MYO18B: variants seen among roughly 807,000 people sequenced by gnomAD.
The protein encoded by MYO18B is myosin XVIIIB, also known as unconventional myosin-XVIIIb.
Under a neutral mutation model 273.0 loss-of-function variants are expected in MYO18B, and 204 were observed. That is an observed-to-expected ratio of 0.75 (90% confidence interval 0.67 to 0.84). MYO18B has a LOEUF of 0.84. Among genes scored for constraint, MYO18B ranks in the 40% least tolerant of loss-of-function variants. The probability of loss-of-function intolerance (pLI) is 0.00; values close to 1 mark genes in which losing one functional copy is unlikely to be tolerated. For synonymous variants in MYO18B, 1,330 were observed against 1,305.7 expected (o/e 1.02, Z -0.40); for missense variants, 3,212 against 3,287.6 (o/e 0.98, Z 0.56).
At chr22:25,938,635 G>A (rs1305730246) in intron 34 of MYO18B, among the ~76,000 whole-genome samples, 1 of 152,222 alleles carries the variant, frequency 6.6e-6, no homozygotes, top group Non-Finnish European at 1.5e-5. Context: ...AGTGAGTGTT[G>A]AAGAAATCTC....
intron 25 of MYO18B, among the ~76,000 whole-genome samples, chr22:25,887,927 G>C (rs1282280221): frequency 6.6e-6 from 1 of 152,226 alleles, no homozygotes; most frequent in Non-Finnish European, 1.5e-5. Flanking sequence ...CTAAGGTGGA[G>C]AGAACACAGT....
At chr22:25,954,045 G>A (rs1483304880) in intron 38 of MYO18B, among the ~76,000 whole-genome samples, 1 of 152,164 alleles carries the variant, frequency 6.6e-6, no homozygotes, top group African/African-American at 2.4e-5. Flanking sequence ...CAGAAAAAGG[G>A]CTCAAAGTCC....
intron 34 of MYO18B, among the ~76,000 whole-genome samples, chr22:25,927,874 C>T (rs953237063): frequency 1.8e-4 from 27 of 152,162 alleles, no homozygotes; most frequent in Admixed American, 6.5e-4. Context: ...GCAGATTCCC[C>T]GATACTCTTT....
rs765063475 is a variant in MYO18B at position 25,798,050 on chromosome 22, G to A, written c.2474G>A (p.Arg825Gln). The A allele has an allele frequency of 2.4e-5, 39 of 1,612,162 alleles. No homozygotes were observed. The highest frequency in any genetic ancestry group is 2.3e-4 in the Admixed American group (14 of 59,978). The change falls in exon 12 of 44, where the codon CGG becomes CAG. Residue 825 changes from arginine to glutamine, a missense_variant. Coordinates refer to ENST00000335473, the MANE Select transcript of MYO18B (RefSeq NM_032608.7). ...GAGAGCGAGCAGCGGGCTGTTTGGCGGGTCCTGGCAGCCATCTACCACCTG... is the reference window on the plus strand; with the variant it reads ...GAGAGCGAGCAGCGGGCTGTTTGGCAGGTCCTGGCAGCCATCTACCACCTG... ...ISESEQRAVW[R>Q]VLAAIYHLGA... is the part of the protein sequence containing the mutation.
intron 42 of MYO18B, among the ~76,000 whole-genome samples, chr22:26,011,515 G>A (rs1259050058): frequency 6.6e-6 from 1 of 152,206 alleles, no homozygotes; most frequent in African/African-American, 2.4e-5. Flanking sequence ...TTCCACCAAG[G>A]GGGAAGCTGA....
intron 11 of MYO18B, among the ~76,000 whole-genome samples, chr22:25,792,497 C>CTTT (rs58679561): frequency 4.6e-5 from 5 of 107,930 alleles, no homozygotes; most frequent in South Asian, 6.0e-4. Context: ...TTTTTCTTTT[C>CTTT]TTTTTTTTTT....
chr22:25,940,494 C>A (rs1282011029), intron 34 of MYO18B, among the ~76,000 whole-genome samples: 1 of 152,120 alleles, frequency 6.6e-6, no homozygotes, highest in African/African-American at 2.4e-5. Context: ...CAGACTAATA[C>A]GCATGGGAAA....
chr22:25,832,400 T>C (rs1383458211), intron 15 of MYO18B, among the ~76,000 whole-genome samples: 2 of 152,094 alleles, frequency 1.3e-5, no homozygotes, highest in East Asian at 3.9e-4. Flanking sequence ...GAGATACGCA[T>C]ATTACGAGAT....
intron 21 of MYO18B, among the ~76,000 whole-genome samples, chr22:25,855,429 G>A (rs1318929350): frequency 2.6e-5 from 4 of 151,828 alleles, no homozygotes; most frequent in Non-Finnish European, 4.4e-5. Flanking sequence ...AACTTCAGGC[G>A]CCCGCCACCA....
chr22:25,811,595 T>C (rs1399935866), intron 12 of MYO18B, among the ~76,000 whole-genome samples: 1 of 152,240 alleles, frequency 6.6e-6, no homozygotes, highest in Non-Finnish European at 1.5e-5. Flanking sequence ...GCCAGTGGGT[T>C]CACACCACCT....
chr22:25,765,421 T>G (rs2086469297), intron 3 of MYO18B, among the ~76,000 whole-genome samples: 1 of 152,178 alleles, frequency 6.6e-6, no homozygotes, highest in South Asian at 2.1e-4. Context: ...TTTGCAGGAA[T>G]GGAAAACAAG....
intron 36 of MYO18B, 133 bp downstream of exon 36, chr22:25,947,961 A>G: frequency 1.5e-6 from 1 of 675,486 alleles, no homozygotes; most frequent in Non-Finnish European, 2.6e-6. Flanking sequence ...AGAGATAGTT[A>G]GGAATTGTGC....
intron 11 of MYO18B, among the ~76,000 whole-genome samples, chr22:25,792,481 C>CTTTTTTTTT (rs376827286): frequency 1.8e-5 from 1 of 54,410 alleles, no homozygotes; most frequent in African/African-American, 4.8e-5. Flanking sequence ...TGTGATGTTT[C>CTTTTTTTTT]TTTTTTTTTT....
chr22:26,033,219 A>G (rs8136102), downstream of MYO18B, among the ~76,000 whole-genome samples: 17,353 of 152,016 alleles, frequency 0.11, 1,156 homozygotes, highest in African/African-American at 0.19. Context: ...CAGTAATATT[A>G]TTTATTCAGT....
intron 12 of MYO18B, among the ~76,000 whole-genome samples, chr22:25,800,798 G>A (rs115913036): frequency 0.017 from 2,653 of 152,288 alleles, 92 homozygotes; most frequent in African/African-American, 0.06. Flanking sequence ...GGGGGCCCCC[G>A]CCCCCTGATG....
intron 42 of MYO18B, among the ~76,000 whole-genome samples, chr22:26,015,653 G>T (rs1030106182): frequency 5.3e-5 from 8 of 152,274 alleles, no homozygotes; most frequent in African/African-American, 1.9e-4. Context: ...CCTATCAGAA[G>T]GTGGAGGGTG....
At chr22:25,983,381 A>G (rs2093169091) in intron 39 of MYO18B, 2 of 152,202 alleles carry the variant, frequency 1.3e-5, no homozygotes, top group African/African-American at 2.4e-5. Flanking sequence ...AAATTAAAAA[A>G]AAATTCATAA....
chr22:25,990,091 C>A (rs915455719), intron 39 of MYO18B, among the ~76,000 whole-genome samples: 2 of 152,226 alleles, frequency 1.3e-5, no homozygotes, highest in African/African-American at 4.8e-5. Context: ...CTCTCATCAG[C>A]TTGACCTGGC....
intron 39 of MYO18B, among the ~76,000 whole-genome samples, chr22:25,973,172 A>G (rs755302580): frequency 4.6e-5 from 7 of 152,142 alleles, no homozygotes; most frequent in Non-Finnish European, 8.8e-5. Context: ...CTAACCACAC[A>G]CTTAGTAGGT....
Sources: gnomAD v4.1 joint callset for allele counts (sites outside exome capture counted in the v4.1 genomes callset) on GRCh38, gnomAD v4.1.1 for gene constraint, MANE v1.5 for transcripts, NCBI Gene and HGNC (gene_info 2026-07-23, HGNC 2026-07-21) for gene names.